CLVS1: variants seen among roughly 807,000 people sequenced by gnomAD.
CLVS1 encodes the protein clavesin-1.
CLVS1 carries 10 observed loss-of-function variants against 33.1 expected under a neutral mutation model. The observed-to-expected ratio is 0.30, with a 90% CI of 0.19 to 0.51. The LOEUF (loss-of-function observed/expected upper bound fraction) is 0.51, where lower values mean the gene tolerates loss of function less well. CLVS1 is among the 20% of genes least tolerant of loss of function. The probability of loss-of-function intolerance (pLI) is 0.97; values close to 1 mark genes in which losing one functional copy is unlikely to be tolerated. For synonymous variants in CLVS1, 163 were observed against 166.1 expected (o/e 0.98, Z 0.14); for missense variants, 343 against 433.4 (o/e 0.79, Z 1.85).
At chr8:61,156,951 A>G (rs1490687560) in intron 2 of CLVS1, among the ~76,000 whole-genome samples, 2 of 152,222 alleles carry the variant, frequency 1.3e-5, no homozygotes, top group African/African-American at 4.8e-5. Context: ...AGGGGGTCCC[A>G]CATTGCAGAG....
the CLVS1 span, among the ~76,000 whole-genome samples, chr8:61,010,950 A>T: frequency 6.6e-6 from 1 of 152,240 alleles, no homozygotes; most frequent in Non-Finnish European, 1.5e-5. Context: ...GGCCCGGCAC[A>T]CGTTAGGCGG....
At chr8:61,492,718 C>T (rs1804137228) in intron 5 of CLVS1, among the ~76,000 whole-genome samples, 1 of 151,972 alleles carries the variant, frequency 6.6e-6, no homozygotes, top group South Asian at 2.1e-4. Context: ...CTTATATTTC[C>T]AGTTCAGTAA....
intron 2 of CLVS1, among the ~76,000 whole-genome samples, chr8:61,164,338 T>C (rs116668066): frequency 0.017 from 2,526 of 152,324 alleles, 30 homozygotes; most frequent in African/African-American, 0.024. Flanking sequence ...GAAGTTATTT[T>C]TCTTTTAAAG....
At chr8:61,128,940 A>G (rs560136025) in intron 1 of CLVS1, among the ~76,000 whole-genome samples, 1 of 152,170 alleles carries the variant, frequency 6.6e-6, no homozygotes, top group African/African-American at 2.4e-5. Context: ...CCCCTACTGC[A>G]TAGTGTTTCT....
chr8:61,470,299 A>C (rs1817689446), intron 5 of CLVS1, among the ~76,000 whole-genome samples: 1 of 152,220 alleles, frequency 6.6e-6, no homozygotes, highest in Non-Finnish European at 1.5e-5. Flanking sequence ...TGTTGGGTAC[A>C]GGGGCATGTT....
chr8:61,434,299 T>C (rs1439981992), intron 3 of CLVS1, among the ~76,000 whole-genome samples: 7 of 152,004 alleles, frequency 4.6e-5, no homozygotes, highest in Non-Finnish European at 1.0e-4. Flanking sequence ...TAAAGTTACA[T>C]GTAAAGAAAA....
intron 2 of CLVS1, among the ~76,000 whole-genome samples, chr8:61,178,493 A>T (rs900372852): frequency 6.6e-6 from 1 of 152,196 alleles, no homozygotes; most frequent in Non-Finnish European, 1.5e-5. Context: ...GGAAATACAG[A>T]GAACAACACT....
At chr8:61,324,246 A>C (rs911224529) in intron 2 of CLVS1, among the ~76,000 whole-genome samples, 2 of 152,076 alleles carry the variant, frequency 1.3e-5, no homozygotes, top group Admixed American at 1.3e-4. Flanking sequence ...GGTGGGAGAT[A>C]ATTTTAATCA....
the CLVS1 span, among the ~76,000 whole-genome samples, chr8:61,008,046 A>G: frequency 6.6e-6 from 1 of 152,148 alleles, no homozygotes; most frequent in Admixed American, 6.5e-5. Flanking sequence ...AGGAGGGAAT[A>G]TGTGCTTAGT....
chr8:61,119,810 T>G (rs1310879976), intron 1 of CLVS1, among the ~76,000 whole-genome samples: 3 of 118,654 alleles, frequency 2.5e-5, no homozygotes, highest in Non-Finnish European at 5.1e-5. Flanking sequence ...TTAACATTTT[T>G]TCCTTCATTT....
chr8:61,328,834 C>G (rs1328577632), intron 2 of CLVS1, among the ~76,000 whole-genome samples: 2 of 152,168 alleles, frequency 1.3e-5, no homozygotes, highest in East Asian at 3.9e-4. Flanking sequence ...TCTATTTACA[C>G]TGGACAGTTG....
chr8:61,345,314 C>T (rs952993564), intron 2 of CLVS1, among the ~76,000 whole-genome samples: 2 of 152,142 alleles, frequency 1.3e-5, no homozygotes, highest in Non-Finnish European at 2.9e-5. Flanking sequence ...ATGAAAACTC[C>T]TTATAAAATC....
intron 2 of CLVS1, among the ~76,000 whole-genome samples, chr8:61,170,038 T>G (rs1188011275): frequency 6.6e-6 from 1 of 152,178 alleles, no homozygotes; most frequent in East Asian, 1.9e-4. Flanking sequence ...ATTTAAAGTG[T>G]ACATTTGTAA....
At chr8:61,037,896 G>T in the CLVS1 span, among the ~76,000 whole-genome samples, 2 of 152,194 alleles carry the variant, frequency 1.3e-5, no homozygotes, top group Admixed American at 1.3e-4. Flanking sequence ...GAGAGCTCTG[G>T]CTGGGTGACC....
intron 5 of CLVS1, among the ~76,000 whole-genome samples, chr8:61,484,000 A>G (rs1192728482): frequency 6.6e-6 from 1 of 152,236 alleles, no homozygotes; most frequent in Non-Finnish European, 1.5e-5. Context: ...TGAATGGACA[A>G]GAACTGGAAG....
chr8:60,973,989 A>G, the CLVS1 span, among the ~76,000 whole-genome samples: 2 of 152,206 alleles, frequency 1.3e-5, no homozygotes, highest in African/African-American at 4.8e-5. Context: ...TTCCTTTGGA[A>G]GGAGATCTAT....
chr8:60,980,817 A>T, the CLVS1 span, among the ~76,000 whole-genome samples: 2 of 152,294 alleles, frequency 1.3e-5, no homozygotes, highest in South Asian at 4.2e-4. Context: ...GTCTTTGCAG[A>T]TGTGATTAAA....
At chr8:61,053,593 G>A (rs1180044442), upstream of CLVS1, among the ~76,000 whole-genome samples, 1 of 152,208 alleles carries the variant, frequency 6.6e-6, no homozygotes, top group Non-Finnish European at 1.5e-5. Flanking sequence ...CAACAGAGAT[G>A]AGCATGTGGC....
intron 2 of CLVS1, among the ~76,000 whole-genome samples, chr8:61,189,160 C>G (rs1047038686): frequency 1.3e-5 from 2 of 152,152 alleles, no homozygotes; most frequent in Admixed American, 6.6e-5. Flanking sequence ...GCCCATCAGA[C>G]TAACAGTGGA....
Sources: allele counts gnomAD v4.1 joint callset (sites outside exome capture counted in the v4.1 genomes callset), GRCh38; gene constraint gnomAD v4.1.1; transcripts MANE v1.5; gene names NCBI Gene and HGNC (gene_info 2026-07-23, HGNC 2026-07-21).